The following MACROD2 variants were observed in gnomAD, a reference collection of about 807,000 sequenced individuals.
MACROD2 encodes the protein ADP-ribose glycohydrolase MACROD2.
A neutral mutation model predicts 70.4 loss-of-function variants in MACROD2; 36 were observed. That is an observed-to-expected ratio of 0.51 (90% CI 0.39 to 0.68). The LOEUF (loss-of-function observed/expected upper bound fraction) is 0.68, where lower values mean the gene tolerates loss of function less well. MACROD2 is among the 30% of genes least tolerant of loss of function. The pLI is 0.00. For synonymous variants in MACROD2, 172 were observed against 178.8 expected, an observed-to-expected ratio of 0.96 and a Z score of 0.30; for missense variants, 496 against 538.4, an observed-to-expected ratio of 0.92 and a Z score of 0.78.
intron 5 of MACROD2, among the ~76,000 whole-genome samples, chr20:14,899,394 G>T (rs2073869161): frequency 6.6e-6 from 1 of 152,090 alleles, no homozygotes; most frequent in Admixed American, 6.6e-5. Flanking sequence ...CAAGGTGCTG[G>T]GTTTGCTTTT....
chr20:15,367,775 GT>G (rs756484144), intron 6 of MACROD2, among the ~76,000 whole-genome samples: 15 of 151,892 alleles, frequency 9.9e-5, no homozygotes, highest in Non-Finnish European at 2.1e-4. Flanking sequence ...AAGAAATTAT[GT>G]CATTTATTTG....
At chr20:15,820,852 GAAATA>G (rs1194578103) in intron 8 of MACROD2, among the ~76,000 whole-genome samples, 1 of 152,130 alleles carries the variant, frequency 6.6e-6, no homozygotes, top group Non-Finnish European at 1.5e-5. Flanking sequence ...ATCAACATGA[GAAATA>G]AAAGAGTCTC....
chr20:15,008,678 A>G (rs910748571), intron 5 of MACROD2, among the ~76,000 whole-genome samples: 22 of 152,212 alleles, frequency 1.4e-4, no homozygotes, highest in African/African-American at 4.6e-4. Flanking sequence ...GGGAGAATCA[A>G]CACAAACCAC....
At chr20:15,707,401 C>T (rs1045291866) in intron 8 of MACROD2, among the ~76,000 whole-genome samples, 3 of 152,180 alleles carry the variant, frequency 2.0e-5, no homozygotes, top group South Asian at 2.1e-4. Context: ...ATACCAGGCA[C>T]TTGCTGGGCA....
intron 6 of MACROD2, among the ~76,000 whole-genome samples, chr20:15,375,679 A>T (rs184245067): frequency 3.9e-5 from 6 of 152,282 alleles, no homozygotes; most frequent in Non-Finnish European, 8.8e-5. Flanking sequence ...TTAAAAGAAA[A>T]AAAATCTGAC....
chr20:15,270,864 C>T (rs1037648922), intron 6 of MACROD2, among the ~76,000 whole-genome samples: 3 of 152,194 alleles, frequency 2.0e-5, no homozygotes, highest in Non-Finnish European at 4.4e-5. Flanking sequence ...AGCATGCCTC[C>T]TCTGTGCAGC....
At chr20:14,081,368 T>C (rs141431544) in intron 2 of MACROD2, among the ~76,000 whole-genome samples, 13 of 152,352 alleles carry the variant, frequency 8.5e-5, no homozygotes, top group African/African-American at 3.1e-4. Context: ...CCCTTTATTG[T>C]AATAGTTTCT....
chr20:14,738,157 G>A (rs1472343932), intron 5 of MACROD2, among the ~76,000 whole-genome samples: 1 of 151,046 alleles, frequency 6.6e-6, no homozygotes, highest in African/African-American at 2.4e-5. Context: ...TGGAATTTTA[G>A]GAGAGTATTT....
intron 4 of MACROD2, among the ~76,000 whole-genome samples, chr20:14,587,234 A>G (rs1023925100): frequency 1.3e-5 from 2 of 151,880 alleles, no homozygotes; most frequent in Admixed American, 6.6e-5. Context: ...ATATAGAAAT[A>G]TCATTAAATA....
At chr20:15,387,475 GTCTC>G (rs1463012469) in intron 6 of MACROD2, among the ~76,000 whole-genome samples, 1 of 148,920 alleles carries the variant, frequency 6.7e-6, no homozygotes. Context: ...CTCTTTCACT[GTCTC>G]TCTTTCTCCC....
intron 3 of MACROD2, among the ~76,000 whole-genome samples, chr20:14,356,052 T>C (rs1378017974): frequency 3.9e-5 from 6 of 152,192 alleles, no homozygotes; most frequent in African/African-American, 1.4e-4. Flanking sequence ...CCAGACTGCT[T>C]AGTGTCATGG....
chr20:15,466,256 A>C (rs1568828541), intron 7 of MACROD2, among the ~76,000 whole-genome samples: 1 of 152,128 alleles, frequency 6.6e-6, no homozygotes, highest in African/African-American at 2.4e-5. Context: ...AAATGCTTTG[A>C]TCTATTTAGC....
chr20:15,140,137 C>G (rs536766520), intron 5 of MACROD2, among the ~76,000 whole-genome samples: 6 of 152,166 alleles, frequency 3.9e-5, no homozygotes, highest in Non-Finnish European at 8.8e-5. Flanking sequence ...TTACCCATGT[C>G]GTCCTCTATA....
chr20:15,213,924 TG>T (rs1422799249), intron 5 of MACROD2, among the ~76,000 whole-genome samples: 3 of 152,008 alleles, frequency 2.0e-5, no homozygotes, highest in Non-Finnish European at 4.4e-5. Context: ...TTTGTTTTTT[TG>T]TGGAGACACG....
chr20:16,012,456 C>A (rs139632612), intron 15 of MACROD2, among the ~76,000 whole-genome samples: 1 of 152,202 alleles, frequency 6.6e-6, no homozygotes, highest in Non-Finnish European at 1.5e-5. Flanking sequence ...GGGAAGCAGT[C>A]ATCAGCATTT....
At chr20:15,345,185 T>G (rs1265445727) in intron 6 of MACROD2, among the ~76,000 whole-genome samples, 4 of 152,144 alleles carry the variant, frequency 2.6e-5, no homozygotes. Context: ...TGCCATCACG[T>G]TAGGGGAAGG....
chr20:15,044,371 A>G (rs2075377453), intron 5 of MACROD2, among the ~76,000 whole-genome samples: 1 of 152,220 alleles, frequency 6.6e-6, no homozygotes, highest in South Asian at 2.1e-4. Flanking sequence ...TCACACTATC[A>G]GTTTTGAAAT....
chr20:14,977,701 A>T (rs530088274), intron 5 of MACROD2, among the ~76,000 whole-genome samples: 11 of 152,262 alleles, frequency 7.2e-5, no homozygotes, highest in African/African-American at 2.6e-4. Flanking sequence ...ACAACAATGA[A>T]CAAGAATGGC....
chr20:14,467,214 C>G (rs1349195834), intron 3 of MACROD2, among the ~76,000 whole-genome samples: 4 of 152,158 alleles, frequency 2.6e-5, no homozygotes, highest in Non-Finnish European at 5.9e-5. Flanking sequence ...CTTTGTTTAC[C>G]TACTCAAGCC....
Sources: gnomAD v4.1 joint callset for allele counts (sites outside exome capture counted in the v4.1 genomes callset) on GRCh38, gnomAD v4.1.1 for gene constraint, MANE v1.5 for transcripts, NCBI Gene and HGNC (gene_info 2026-07-23, HGNC 2026-07-21) for gene names.